Variants in ERBB4 observed in about 807,000 individuals in gnomAD.
The protein encoded by ERBB4 is receptor tyrosine-protein kinase erbB-4.
A neutral mutation model predicts 158.0 loss-of-function variants in ERBB4; 42 were observed. That is an observed-to-expected ratio of 0.27 (90% CI 0.21 to 0.34). The LOEUF (loss-of-function observed/expected upper bound fraction) is 0.34. ERBB4 is among the 10% of genes least tolerant of loss of function. The probability of loss-of-function intolerance (pLI) is 1.00; values close to 1 mark genes in which losing one functional copy is unlikely to be tolerated. For missense variants in ERBB4, 1,333 were observed against 1,624.1 expected (o/e 0.82, Z 3.08); for synonymous variants, 583 against 558.7 (o/e 1.04, Z -0.61).
chr2:211,619,142 G>T (rs2125846776), intron 19 of ERBB4, 35 bp downstream of exon 19: 1 of 1,265,560 alleles, frequency 7.9e-7, no homozygotes, highest in Non-Finnish European at 1.2e-6. Context: ...TTTGATAATG[G>T]AGAAAAATGT....
At chr2:211,436,335 A>G (rs529608237) in intron 20 of ERBB4, among the ~76,000 whole-genome samples, 1 of 152,314 alleles carries the variant, frequency 6.6e-6, no homozygotes, top group South Asian at 2.1e-4. Context: ...AGAGAATGCA[A>G]GATGGTAGAG....
chr2:211,995,588 TC>T (rs2082182432), intron 2 of ERBB4, among the ~76,000 whole-genome samples: 1 of 152,080 alleles, frequency 6.6e-6, no homozygotes, highest in African/African-American at 2.4e-5. Context: ...TGATTTTTTA[TC>T]CTTCTATATT....
At chr2:211,883,948 G>A (rs1311342967) in intron 3 of ERBB4, among the ~76,000 whole-genome samples, 3 of 151,978 alleles carry the variant, frequency 2.0e-5, no homozygotes, top group South Asian at 4.2e-4. Context: ...CTCACTCCCC[G>A]GTGAGGCCAC....
At chr2:211,632,022 A>C (rs1379336204) in intron 16 of ERBB4, among the ~76,000 whole-genome samples, 1 of 152,080 alleles carries the variant, frequency 6.6e-6, no homozygotes, top group Non-Finnish European at 1.5e-5. Flanking sequence ...TTCTTCTATA[A>C]ATGAAATCAT....
At chr2:212,526,154 G>C (rs552926756) in intron 1 of ERBB4, among the ~76,000 whole-genome samples, 1 of 152,114 alleles carries the variant, frequency 6.6e-6, no homozygotes, top group South Asian at 2.1e-4. Context: ...AACTGTGGGA[G>C]ACAAACTTCA....
intron 18 of ERBB4, among the ~76,000 whole-genome samples, chr2:211,620,879 G>C (rs1016966432): frequency 2.6e-5 from 4 of 152,162 alleles, no homozygotes; most frequent in African/African-American, 4.8e-5. Flanking sequence ...ACTGAGGCAG[G>C]AGGGTCTCTT....
intron 1 of ERBB4, among the ~76,000 whole-genome samples, chr2:212,503,948 T>C (rs1002135670): frequency 3.3e-5 from 5 of 152,206 alleles, no homozygotes; most frequent in African/African-American, 1.2e-4. Context: ...AATTCACTCC[T>C]AGTAGAAAAC....
intron 25 of ERBB4, among the ~76,000 whole-genome samples, chr2:211,405,868 C>T (rs1451816067): frequency 6.6e-6 from 1 of 152,064 alleles, no homozygotes; most frequent in Admixed American, 6.6e-5. Context: ...TCTCCTTAAT[C>T]TACTCCTCTG....
At chr2:212,101,563 T>C (rs1333840979) in intron 2 of ERBB4, among the ~76,000 whole-genome samples, 1 of 151,686 alleles carries the variant, frequency 6.6e-6, no homozygotes, top group Admixed American at 6.6e-5. Flanking sequence ...AATAATATTC[T>C]AAAGAGCTCA....
chr2:212,253,722 G>A lies in ERBB4; in HGVS notation c.83-128819C>T, dbSNP rs914845013. On this transcript the variant is annotated intron_variant, in intron 1 of 27. Transcript: ENST00000342788. ...TTTCATGCCTAATTTTTGGGTTGCC[G>A]TTAAAAAGTTAGTTAAGTAGTTAAG... Among the ~76,000 whole-genome samples, 22 of 152,142 alleles carry A rather than the reference G, an allele frequency of 1.4e-4. 1 individual carries two copies. Among genetic ancestry groups the A allele is most frequent in the African/African-American group, 3.4e-4 (14 of 41,444 alleles).
chr2:211,716,993 G>GT (rs959575221), intron 7 of ERBB4, among the ~76,000 whole-genome samples: 1 of 152,136 alleles, frequency 6.6e-6, no homozygotes, highest in African/African-American at 2.4e-5. Flanking sequence ...CAGCTTTCAG[G>GT]TGAATCACTA....
At chr2:211,888,973 G>C (rs1399647361) in intron 3 of ERBB4, among the ~76,000 whole-genome samples, 4 of 149,304 alleles carry the variant, frequency 2.7e-5, no homozygotes, top group African/African-American at 7.6e-5. Context: ...GGCTGGGGGA[G>C]GGGCGCCCGC....
intron 2 of ERBB4, among the ~76,000 whole-genome samples, chr2:212,011,729 A>C (rs2076392326): frequency 6.6e-6 from 1 of 151,890 alleles, no homozygotes. Context: ...CAGCCTGGGC[A>C]AGACAGCGAC....
chr2:211,923,958 T>C (rs1312841677), intron 3 of ERBB4, among the ~76,000 whole-genome samples: 1 of 152,136 alleles, frequency 6.6e-6, no homozygotes, highest in East Asian at 1.9e-4. Context: ...CTGGCCTCAC[T>C]TGATCGACTC....
chr2:211,560,755 T>C (rs1475480551), intron 20 of ERBB4, among the ~76,000 whole-genome samples: 2 of 151,396 alleles, frequency 1.3e-5, no homozygotes, highest in African/African-American at 4.9e-5. Flanking sequence ...AGTTACAAAA[T>C]TATAATACAC....
chr2:212,061,758 A>G (rs1472243382), intron 2 of ERBB4, among the ~76,000 whole-genome samples: 1 of 144,716 alleles, frequency 6.9e-6, no homozygotes, highest in Non-Finnish European at 1.5e-5. Context: ...TTTTTTAGAC[A>G]GAGTCTCACT....
At chr2:211,442,216 C>T (rs2063994511) in intron 20 of ERBB4, among the ~76,000 whole-genome samples, 1 of 152,062 alleles carries the variant, frequency 6.6e-6, no homozygotes, top group Non-Finnish European at 1.5e-5. Flanking sequence ...CCTCACCATA[C>T]ACTGCCACAC....
chr2:211,592,192 G>GCTTT (rs71054118), intron 19 of ERBB4, among the ~76,000 whole-genome samples: 116,482 of 151,872 alleles, frequency 0.77, 46,432 homozygotes, highest in Middle Eastern at 0.89. Flanking sequence ...TAGACGCAGG[G>GCTTT]CTTTGGGCGT....
At chr2:212,014,699 T>C (rs2076467493) in intron 2 of ERBB4, among the ~76,000 whole-genome samples, 1 of 152,020 alleles carries the variant, frequency 6.6e-6, no homozygotes, top group Non-Finnish European at 1.5e-5. Flanking sequence ...ACTAAATAAA[T>C]CCCATTACCC....
Sources: gnomAD v4.1 joint callset for allele counts (sites outside exome capture counted in the v4.1 genomes callset) on GRCh38, gnomAD v4.1.1 for gene constraint, MANE v1.5 for transcripts, NCBI Gene and HGNC (gene_info 2026-07-23, HGNC 2026-07-21) for gene names.